The following SHISA6 variants were observed in gnomAD, a reference collection of about 807,000 sequenced individuals.
SHISA6 encodes protein shisa-6.
A neutral mutation model predicts 47.9 loss-of-function variants in SHISA6; 22 were observed. That is an observed-to-expected ratio of 0.46 (90% CI 0.33 to 0.66). The LOEUF (loss-of-function observed/expected upper bound fraction) is 0.66, where lower values mean the gene tolerates loss of function less well. Ranked by LOEUF, SHISA6 falls within the 30% of genes least tolerant of loss-of-function variation. The pLI is 0.02. For missense variants in SHISA6, 680 were observed against 764.6 expected, an observed-to-expected ratio of 0.89 and a Z score of 1.30; for synonymous variants, 388 against 337.8, an observed-to-expected ratio of 1.15 and a Z score of -1.63.
In SHISA6 at chr17:11,526,921, ATATATATATATATATT is replaced by A. The variant is rs1412762772; in HGVS notation, c.896-24974_896-24959del. The stretch of plus-strand genomic sequence containing the variant: ...TATATATATATATATATATATATAT[ATATATATATATATATT>A]ATAATGATCAAATCAGGGTATTTAG... On this transcript the variant is annotated intron_variant, in intron 3 of 5. Transcript: ENST00000441885. 2.9e-3 allele frequency among the ~76,000 whole-genome samples: 73 copies of A among 24,766 alleles called. 1 individual carries two copies. Among genetic ancestry groups the A allele is most frequent in the African/African-American group, 0.012 (64 of 5,414 alleles). The allele number at this position is 24,766 out of a possible 152,430, so 16.2% of individuals were successfully genotyped here.
chr17:11,380,242 G>A (rs905665474), intron 3 of SHISA6: 4 of 152,190 alleles, frequency 2.6e-5, no homozygotes, highest in Non-Finnish European at 5.9e-5. Context: ...TAGATCAAAT[G>A]TGAATTCTGT....
At chr17:11,366,888 T>C (rs1228081790) in intron 2 of SHISA6, among the ~76,000 whole-genome samples, 2 of 152,164 alleles carry the variant, frequency 1.3e-5, no homozygotes, top group African/African-American at 4.8e-5. Flanking sequence ...TATGTTGAAG[T>C]CCGAATTGCT....
intron 3 of SHISA6, among the ~76,000 whole-genome samples, chr17:11,499,370 T>A (rs72809038): frequency 0.21 from 31,299 of 151,806 alleles, 3,355 homozygotes; most frequent in East Asian, 0.32. Flanking sequence ...GGACGTTTTA[T>A]CCTCTATGAA....
At chr17:11,408,173 G>T (rs1914017855) in intron 3 of SHISA6, among the ~76,000 whole-genome samples, 2 of 152,124 alleles carry the variant, frequency 1.3e-5, no homozygotes, top group African/African-American at 4.8e-5. Context: ...AGCAAGAAAA[G>T]AACTTCACAA....
At chr17:11,305,713 T>A (rs1910088063) in intron 2 of SHISA6, among the ~76,000 whole-genome samples, 1 of 152,128 alleles carries the variant, frequency 6.6e-6, no homozygotes, top group Non-Finnish European at 1.5e-5. Flanking sequence ...ACCACAACAG[T>A]CTGTGCTCAG....
intron 2 of SHISA6, among the ~76,000 whole-genome samples, chr17:11,315,771 T>C (rs976493292): frequency 3.3e-5 from 5 of 152,340 alleles, no homozygotes; most frequent in African/African-American, 1.2e-4. Flanking sequence ...ACTACACTGA[T>C]AATTTGTTTG....
chr17:11,269,061 T>A (rs111543060), intron 2 of SHISA6, among the ~76,000 whole-genome samples: 101 of 151,406 alleles, frequency 6.7e-4, no homozygotes, highest in African/African-American at 2.3e-3. Context: ...TTTTTTTTTT[T>A]AATGGAGTCT....
chr17:11,318,060 A>AT (rs565178161), intron 2 of SHISA6, among the ~76,000 whole-genome samples: 2 of 151,838 alleles, frequency 1.3e-5, no homozygotes, highest in Admixed American at 1.3e-4. Context: ...TAAATAGTAA[A>AT]TTTTTTTTAT....
intron 2 of SHISA6, among the ~76,000 whole-genome samples, chr17:11,326,211 C>A (rs1910885414): frequency 6.6e-6 from 1 of 150,848 alleles, no homozygotes; most frequent in Admixed American, 6.6e-5. Context: ...GTGGAGCTTG[C>A]AGTGAGCCGA....
At chr17:11,402,978 T>C (rs553799261) in intron 3 of SHISA6, among the ~76,000 whole-genome samples, 12 of 152,304 alleles carry the variant, frequency 7.9e-5, no homozygotes, top group African/African-American at 2.9e-4. Flanking sequence ...GGCTGCCTCA[T>C]AGCCTCTCAT....
chr17:11,336,574 G>A (rs760052247), intron 2 of SHISA6, among the ~76,000 whole-genome samples: 2 of 152,158 alleles, frequency 1.3e-5, no homozygotes, highest in Non-Finnish European at 2.9e-5. Flanking sequence ...GCTTCTCAAC[G>A]TCACACGCCT....
chr17:11,396,120 C>G (rs1913564443), intron 3 of SHISA6, among the ~76,000 whole-genome samples: 1 of 152,116 alleles, frequency 6.6e-6, no homozygotes, highest in Non-Finnish European at 1.5e-5. Context: ...TTGTCAAAAG[C>G]TTTTTCAGCA....
rs1404374930 is a variant in SHISA6 at position 11,557,878 on chromosome 17, C to T, written c.1230C>T (p.Pro410=). 1 of 1,551,526 alleles carries T rather than the reference C, an allele frequency of 6.4e-7. No individual in the cohort carries two copies. The highest frequency in any genetic ancestry group is 8.7e-7 in the Non-Finnish European group (1 of 1,147,004). Residue 410 remains proline (P), a synonymous_variant, in exon 6 of 6, where the codon CCC becomes CCT. Transcript: ENST00000441885. The part of the protein sequence containing the change: ...SQQKPLPRER[P]RRPIRAMSQD... ...AGAAGCCGTTGCCAAGGGAACGACC[C>T]CGCCGGCCCATCCGGGCCATGTCCC...
At chr17:11,406,511 G>A (rs562654951) in intron 3 of SHISA6, among the ~76,000 whole-genome samples, 10 of 152,072 alleles carry the variant, frequency 6.6e-5, no homozygotes, top group Non-Finnish European at 8.8e-5. Flanking sequence ...CACAATTCTC[G>A]GCAACTCCTC....
chr17:11,379,757 G>A, intron 3 of SHISA6: 1 of 358,042 alleles, frequency 2.8e-6, no homozygotes, highest in Non-Finnish European at 5.0e-6. Context: ...GGACACAGAT[G>A]CCGGCGGCTC....
intron 2 of SHISA6, among the ~76,000 whole-genome samples, chr17:11,292,151 C>T (rs1909575653): frequency 6.6e-6 from 1 of 152,136 alleles, no homozygotes; most frequent in South Asian, 2.1e-4. Context: ...CCCACTCCCC[C>T]ACCTCCACCC....
At chr17:11,423,192 G>A (rs142856869) in intron 3 of SHISA6, among the ~76,000 whole-genome samples, 1 of 148,602 alleles carries the variant, frequency 6.7e-6, no homozygotes, top group East Asian at 2.0e-4. Flanking sequence ...TAAAAGGATT[G>A]CATTTCTGTG....
chr17:11,292,482 C>T (rs980904043), intron 2 of SHISA6, among the ~76,000 whole-genome samples: 1 of 152,098 alleles, frequency 6.6e-6, no homozygotes, highest in Non-Finnish European at 1.5e-5. Flanking sequence ...TAAAAATATA[C>T]GAATTTGGGG....
At chr17:11,382,457 T>TG (rs1913042557) in intron 3 of SHISA6, among the ~76,000 whole-genome samples, 1 of 152,152 alleles carries the variant, frequency 6.6e-6, no homozygotes, top group Non-Finnish European at 1.5e-5. Context: ...GGAACCATCC[T>TG]CTCTTCCTTC....
Sources: gnomAD v4.1 joint callset for allele counts (sites outside exome capture counted in the v4.1 genomes callset) on GRCh38, gnomAD v4.1.1 for gene constraint, MANE v1.5 for transcripts, NCBI Gene and HGNC (gene_info 2026-07-23, HGNC 2026-07-21) for gene names.